The following CTIF variants were observed in gnomAD, a reference collection of about 807,000 sequenced individuals.
CTIF encodes CBP80/20-dependent translation initiation factor.
Under a neutral mutation model 66.0 loss-of-function variants are expected in CTIF, and 21 were observed. The observed-to-expected ratio is 0.32, with a 90% CI of 0.23 to 0.46. CTIF has a LOEUF of 0.46. Ranked by LOEUF, CTIF falls within the 20% of genes least tolerant of loss-of-function variation. The pLI is 1.00. For missense variants in CTIF, 739 were observed against 812.7 expected (o/e 0.91, Z 1.10); for synonymous variants, 345 against 326.4 (o/e 1.06, Z -0.62).
At chr18:48,601,327 CTG>C in intron 1 of CTIF, among the ~76,000 whole-genome samples, 1 of 152,220 alleles carries the variant, frequency 6.6e-6, no homozygotes, top group Non-Finnish European at 1.5e-5. Flanking sequence ...TGTTTAGACA[CTG>C]AGAATCAATT....
chr18:48,650,014 A>T (rs1402580272), intron 3 of CTIF, among the ~76,000 whole-genome samples: 5 of 152,246 alleles, frequency 3.3e-5, no homozygotes, highest in African/African-American at 1.2e-4. Context: ...AACCACAAAG[A>T]TAGGGAGAAA....
At chr18:48,581,122 A>G (rs1164299652) in intron 1 of CTIF, among the ~76,000 whole-genome samples, 1 of 151,946 alleles carries the variant, frequency 6.6e-6, no homozygotes, top group African/African-American at 2.4e-5. Context: ...CTTTTTATAG[A>G]TTTTCCATTT....
chr18:48,563,559 C>T (rs992102009), intron 1 of CTIF, among the ~76,000 whole-genome samples: 5 of 152,196 alleles, frequency 3.3e-5, no homozygotes, highest in African/African-American at 2.4e-5. Flanking sequence ...GCAACCTCCA[C>T]CTCCTGGGTT....
intron 9 of CTIF, among the ~76,000 whole-genome samples, chr18:48,814,923 G>C (rs749045350): frequency 1.8e-4 from 28 of 152,334 alleles, no homozygotes; most frequent in Non-Finnish European, 4.0e-4. Context: ...AGAAAGGAGT[G>C]GGGAGGCAGG....
At chr18:48,573,959 C>T (rs951297372) in intron 1 of CTIF, among the ~76,000 whole-genome samples, 4 of 152,340 alleles carry the variant, frequency 2.6e-5, no homozygotes, top group Non-Finnish European at 5.9e-5. Context: ...GGAAGGCAGT[C>T]GCATCCCCAG....
chr18:48,825,392 G>T (rs1032178113), intron 10 of CTIF, among the ~76,000 whole-genome samples: 1 of 152,216 alleles, frequency 6.6e-6, no homozygotes, highest in African/African-American at 2.4e-5. Flanking sequence ...CCAGGGAGGA[G>T]AACACAGAGG....
chr18:48,856,406 A>G (rs1159949157), intron 10 of CTIF, among the ~76,000 whole-genome samples: 1 of 152,250 alleles, frequency 6.6e-6, no homozygotes, highest in African/African-American at 2.4e-5. Context: ...TTCTAATCCT[A>G]TGTAATATCC....
chr18:48,730,818 T>C (rs990884507), intron 7 of CTIF, among the ~76,000 whole-genome samples: 4 of 148,480 alleles, frequency 2.7e-5, no homozygotes, highest in African/African-American at 1.0e-4. Flanking sequence ...CCTCTGGCAG[T>C]GTGAGGGGCT....
At chr18:48,727,070 G>GCGCACA (rs72001948) in intron 7 of CTIF, among the ~76,000 whole-genome samples, 1 of 144,488 alleles carries the variant, frequency 6.9e-6, no homozygotes, top group African/African-American at 2.6e-5. Context: ...CAAGTTAGCT[G>GCGCACA]CACACACACA....
chr18:48,544,278 A>G (rs1432666103), intron 1 of CTIF, among the ~76,000 whole-genome samples: 2 of 152,184 alleles, frequency 1.3e-5, no homozygotes, highest in African/African-American at 4.8e-5. Context: ...GCCTTTTATA[A>G]TAGGTGGTTA....
rs573758376 is a variant in CTIF at position 48,676,826 on chromosome 18, C to T, written c.507+6082C>T. ...GATAACAGAGAGATCCTCCCCACTACCTCTCTAAAGAATCCGAGGGACAAA... is the reference window on the plus strand; with the variant it reads ...GATAACAGAGAGATCCTCCCCACTATCTCTCTAAAGAATCCGAGGGACAAA... On this transcript the variant is annotated intron_variant, in intron 6 of 11. Transcript: ENST00000256413. 6.6e-5 allele frequency among the ~76,000 whole-genome samples: 10 copies of T among 152,060 alleles called. No individual in the cohort carries two copies. In the South Asian group the frequency reaches 2.1e-3, roughly 32 times the overall value.
intron 6 of CTIF, among the ~76,000 whole-genome samples, chr18:48,703,403 A>G (rs2092109787): frequency 6.6e-6 from 1 of 152,114 alleles, no homozygotes; most frequent in South Asian, 2.1e-4. Flanking sequence ...CTGGGCTAGG[A>G]TCCCCACCAC....
intron 5 of CTIF, among the ~76,000 whole-genome samples, chr18:48,668,486 G>A (rs2091471174): frequency 6.6e-6 from 1 of 152,314 alleles, no homozygotes; most frequent in African/African-American, 2.4e-5. Context: ...CTGCTCACCT[G>A]TAGCCCCAGC....
At chr18:48,598,811 G>C (rs1408579607) in intron 1 of CTIF, among the ~76,000 whole-genome samples, 1 of 152,194 alleles carries the variant, frequency 6.6e-6, no homozygotes, top group Non-Finnish European at 1.5e-5. Context: ...ACTTTATGGG[G>C]ACTATCTTCC....
At chr18:48,759,164 C>A (rs1024094546) in intron 8 of CTIF, among the ~76,000 whole-genome samples, 4 of 152,190 alleles carry the variant, frequency 2.6e-5, no homozygotes, top group Non-Finnish European at 5.9e-5. Context: ...ATTGTGCTCA[C>A]CCCAGTGCCA....
At position 48,849,191 on chromosome 18, in the gene CTIF, C is replaced by CTTTT. The variant is rs892473113; in HGVS notation, c.1528-8376_1528-8373dup. ...AGAGGGTGCCTGCTCCTACCAATGC[C>CTTTT]TTTTTTTTTTTTTTTTTTTTTTTTG... On this transcript the variant is annotated intron_variant, in intron 10 of 11. Coordinates refer to ENST00000256413, the MANE Select transcript of CTIF (RefSeq NM_014772.3). 3.5e-3 allele frequency among the ~76,000 whole-genome samples: 349 copies of CTTTT among 98,994 alleles called. 7 individuals carry two copies. Among genetic ancestry groups the CTTTT allele is most frequent in the African/African-American group, 0.012 (268 of 22,638 alleles). The allele number at this position is 98,994 out of a possible 152,430, so 64.9% of individuals were successfully genotyped here.
At chr18:48,636,509 C>A in intron 2 of CTIF, 105 bp from the exon 3 acceptor site, 2 of 749,384 alleles carry the variant, frequency 2.7e-6, no homozygotes, top group Non-Finnish European at 3.9e-6. Flanking sequence ...TAGGATTCCA[C>A]AGTCATGCTA....
Position 48,572,440 on chromosome 18 carries a change from G to T in CTIF, c.-29+33128G>T, listed in dbSNP as rs373820053. ...GAGAGGAGCCTGGGTTGCCTGTGTG[G>T]CTATCGGAGGTAAAGATGAGTCCTC... On this transcript the variant is annotated intron_variant, in intron 1 of 11. Coordinates refer to ENST00000256413, the MANE Select transcript of CTIF (RefSeq NM_014772.3). Among the ~76,000 whole-genome samples, 3 of 152,250 alleles carry T rather than the reference G, an allele frequency of 2.0e-5. No homozygotes were observed. In the East Asian group the frequency reaches 5.8e-4, roughly 29 times the overall value.
chr18:48,581,541 G>A (rs1374829788), intron 1 of CTIF, among the ~76,000 whole-genome samples: 3 of 152,166 alleles, frequency 2.0e-5, no homozygotes, highest in Non-Finnish European at 4.4e-5. Flanking sequence ...TTCATCTGAG[G>A]GGAGAGAGAG....
Sources: gnomAD v4.1 joint callset for allele counts (sites outside exome capture counted in the v4.1 genomes callset) on GRCh38, gnomAD v4.1.1 for gene constraint, MANE v1.5 for transcripts, NCBI Gene and HGNC (gene_info 2026-07-23, HGNC 2026-07-21) for gene names.